The following ABCC11 variants were observed in gnomAD, a reference collection of about 807,000 sequenced individuals.
ABCC11 encodes the protein ATP-binding cassette sub-family C member 11.
In ABCC11, 135 loss-of-function variants were observed where a neutral mutation model predicts 149.3. That is an observed-to-expected ratio of 0.90 (90% CI 0.79 to 1.04). The LOEUF is 1.04. Ranked by LOEUF, ABCC11 falls within the 50% of genes least tolerant of loss-of-function variation. The pLI is 0.00. For synonymous variants in ABCC11, 665 were observed against 671.4 expected (o/e 0.99, Z 0.15); for missense variants, 1,680 against 1,722.1 (o/e 0.98, Z 0.43).
chr16:48,226,044 T>C (rs1025889137), intron 4 of ABCC11, among the ~76,000 whole-genome samples: 11 of 147,872 alleles, frequency 7.4e-5, no homozygotes, highest in African/African-American at 2.3e-4. Context: ...GCTGGTTACC[T>C]ATTAAGCATC....
chr16:48,245,173 C>T (rs189485926), intron 1 of ABCC11, among the ~76,000 whole-genome samples: 65 of 152,232 alleles, frequency 4.3e-4, no homozygotes, highest in Admixed American at 1.2e-3. Context: ...CACCCTTCTC[C>T]TTCTCCCCCT....
In ABCC11 at chr16:48,215,440, T is replaced by C. The variant is rs2150875261; in HGVS notation, c.952-96A>G. The C allele has an allele frequency of 9.3e-6, 13 of 1,394,466 alleles. No individual in the cohort carries two copies. The South Asian group carries it at 1.7e-4, about 19-fold the overall frequency. The allele number at this position is 1,394,466 out of a possible 1,614,324, so 86.4% of individuals were successfully genotyped here. Reference sequence around the variant, plus strand: ...GCCTGGCATAAGTAGGGCAACTGGGTGTATTTCCAAAGAGAGGTTTTCCAA... The same window carrying C: ...GCCTGGCATAAGTAGGGCAACTGGGCGTATTTCCAAAGAGAGGTTTTCCAA... On this transcript the variant is annotated intron_variant, in intron 7 of 29. Coordinates refer to ENST00000356608, the MANE Select transcript of ABCC11 (RefSeq NM_001370497.1).
chr16:48,183,521 G>A (rs1966571750), intron 23 of ABCC11, among the ~76,000 whole-genome samples: 1 of 152,242 alleles, frequency 6.6e-6, no homozygotes. Context: ...CAGCACTTTG[G>A]GAGACCGAGG....
chr16:48,203,729 G>A lies in ABCC11; in HGVS notation c.1806-429C>T, dbSNP rs576481444. Among the ~76,000 whole-genome samples, 19 of 152,204 alleles carry A rather than the reference G, an allele frequency of 1.2e-4. 1 individual carries two copies. Among genetic ancestry groups the A allele is most frequent in the Admixed American group, 5.2e-4 (8 of 15,282 alleles). ...CTAAAAATACAAAAATTAACTGGGC[G>A]TGCTGGTGCGTGCCTGTAGTCCCAG... On this transcript the variant is annotated intron_variant, in intron 13 of 29. Transcript: ENST00000356608.
intron 6 of ABCC11, among the ~76,000 whole-genome samples, chr16:48,217,311 C>T (rs1969413386): frequency 6.6e-6 from 1 of 152,036 alleles, no homozygotes; most frequent in Admixed American, 6.6e-5. Context: ...ACATATACTG[C>T]CTGGCTCAAC....
chr16:48,207,992 C>T (rs911083075), intron 12 of ABCC11, among the ~76,000 whole-genome samples: 3 of 152,138 alleles, frequency 2.0e-5, no homozygotes, highest in Admixed American at 6.6e-5. Flanking sequence ...GCACATACAT[C>T]CCACTCCTCA....
At position 48,167,016 on chromosome 16, in the gene ABCC11, C is replaced by T. The variant is rs755613431; in HGVS notation, c.*258G>A. On this transcript the variant is annotated 3_prime_UTR_variant, in exon 30 of 30. Coordinates refer to ENST00000356608, the MANE Select transcript of ABCC11 (RefSeq NM_001370497.1). ...TTTACCTTATTATAAAATTATTCAGCATGTAAGTTAAAAGGAGAACCACAT... is the reference window on the plus strand; with the variant it reads ...TTTACCTTATTATAAAATTATTCAGTATGTAAGTTAAAAGGAGAACCACAT... The T allele has an allele frequency of 6.3e-6, 3 of 476,918 alleles. No homozygotes were observed. Among genetic ancestry groups the T allele is most frequent in the Non-Finnish European group, 1.1e-5 (3 of 266,106 alleles). 29.5% of individuals were successfully genotyped at this position (476,918 alleles called of 1,614,324 possible).
chr16:48,185,985 C>G (rs1013632841), intron 22 of ABCC11, among the ~76,000 whole-genome samples: 1 of 152,192 alleles, frequency 6.6e-6, no homozygotes. Context: ...TTCTCTGACA[C>G]CTTCCCCAAC....
chr16:48,205,078 A>G (rs1201301627), intron 13 of ABCC11, among the ~76,000 whole-genome samples: 1 of 152,210 alleles, frequency 6.6e-6, no homozygotes, highest in African/African-American at 2.4e-5. Flanking sequence ...CAAATGTAGC[A>G]ATATTGGAGG....
At chr16:48,194,934 G>C (rs971188918) in intron 18 of ABCC11, among the ~76,000 whole-genome samples, 1 of 152,174 alleles carries the variant, frequency 6.6e-6, no homozygotes, top group Admixed American at 6.5e-5. Flanking sequence ...ATCTGAGAGG[G>C]GAACTCCCTT....
At chr16:48,202,057 C>T (rs1018412667) in intron 14 of ABCC11, among the ~76,000 whole-genome samples, 59 of 152,164 alleles carry the variant, frequency 3.9e-4, no homozygotes, top group Non-Finnish European at 2.9e-4. Context: ...CCCAGTTTCC[C>T]CATTCATTCA....
chr16:48,198,465 T>C lies in ABCC11; in HGVS notation c.2083-190A>G, dbSNP rs913978686. ...TGAGGCAAAAGGAACTCTCCTTAACTATCAAGAGGATTGTAGATTGGTACA... is the reference window on the plus strand; with the variant it reads ...TGAGGCAAAAGGAACTCTCCTTAACCATCAAGAGGATTGTAGATTGGTACA... On this transcript the variant is annotated intron_variant, in intron 15 of 29. Coordinates refer to ENST00000356608, the MANE Select transcript of ABCC11 (RefSeq NM_001370497.1). Among the ~76,000 whole-genome samples the C allele has an allele frequency of 9.2e-5, 14 of 152,306 alleles. No individual in the cohort carries two copies. In the East Asian group the frequency reaches 1.9e-3, roughly 21 times the overall value.
chr16:48,174,744 G>A (rs945196588), intron 26 of ABCC11, among the ~76,000 whole-genome samples: 1 of 152,210 alleles, frequency 6.6e-6, no homozygotes. Flanking sequence ...GGTAGCCTGA[G>A]TGCAAATGCT....
chr16:48,245,241 C>T lies in ABCC11; in HGVS notation c.-19+2073G>A, dbSNP rs186780740. Among the ~76,000 whole-genome samples the T allele has an allele frequency of 4.2e-3, 640 of 152,256 alleles. 4 individuals carry two copies. Among genetic ancestry groups the T allele is most frequent in the African/African-American group, 0.015 (605 of 41,546 alleles). Reference sequence around the variant, plus strand: ...ACTGCTCACATTTTCGCTGGTCCCCCTTTCTGGAACTTTCCTAGCTTCTCA... The same window carrying T: ...ACTGCTCACATTTTCGCTGGTCCCCTTTTCTGGAACTTTCCTAGCTTCTCA... On this transcript the variant is annotated intron_variant, in intron 1 of 29. Coordinates refer to ENST00000356608, the MANE Select transcript of ABCC11 (RefSeq NM_001370497.1).
At chr16:48,182,738 G>T (rs1053854838) in intron 23 of ABCC11, among the ~76,000 whole-genome samples, 1 of 148,636 alleles carries the variant, frequency 6.7e-6, no homozygotes, top group Non-Finnish European at 1.5e-5. Flanking sequence ...AGCCGAGATC[G>T]CATCACTGCA....
intron 2 of ABCC11, 23 bp from the exon 3 acceptor site, chr16:48,230,596 G>A: frequency 6.5e-7 from 1 of 1,538,980 alleles, no homozygotes; most frequent in Non-Finnish European, 8.8e-7. Flanking sequence ...AAACAAAAGA[G>A]CATCAGTTTC....
chr16:48,200,332 A>C lies in ABCC11; in HGVS notation c.2026T>G (p.Cys676Gly), dbSNP rs1354563862. The change falls in exon 15 of 30, where the codon TGC becomes GGC. Residue 676 changes from cysteine to glycine, a missense_variant. Transcript: ENST00000356608. The stretch of plus-strand genomic sequence containing the variant: ...TTCCCCCTGAGTGTCTTCTTAATGC[A>C]CTCCTCAAAAATGTGCTTCCCCACG... ...AHVGKHIFEECIKKTLRGKTV... is the reference protein window; with the variant it reads ...AHVGKHIFEEGIKKTLRGKTV... The C allele has an allele frequency of 1.2e-6, 2 of 1,613,926 alleles. No individual in the cohort carries two copies. Among genetic ancestry groups the C allele is most frequent in the Non-Finnish European group, 8.5e-7 (1 of 1,179,996 alleles).
Position 48,230,571 on chromosome 16 carries a change from T to A in ABCC11, c.102A>T (p.Lys34Asn). The change falls in exon 3 of 30, where the codon AAA (lysine) becomes AAT (asparagine). Residue 34 changes from lysine to asparagine, a missense_variant and splice_region_variant. Physicochemically the swap from Lys to Asn is moderately conservative, Grantham distance 94. Transcript: ENST00000356608. ...GDDMVSGLIY[K>N]TYTLQDGPWS... Reference sequence around the variant, plus strand: ...AGGGGCCATCTTGGAGAGTATAGGTTTTCTTGGAAAAGAAAAACAAAAGAG... The same window carrying A: ...AGGGGCCATCTTGGAGAGTATAGGTATTCTTGGAAAAGAAAAACAAAAGAG... The A allele has an allele frequency of 6.4e-7, 1 of 1,566,536 alleles. No homozygotes were observed.
At chr16:48,184,343 G>T (rs1160652633) in intron 23 of ABCC11, 97 bp downstream of exon 23, 2 of 1,422,194 alleles carry the variant, frequency 1.4e-6, no homozygotes, top group Non-Finnish European at 1.9e-6. Context: ...AGCCTAAGGT[G>T]TCATTGAACA....
Sources: gnomAD v4.1 joint callset for allele counts (sites outside exome capture counted in the v4.1 genomes callset) on GRCh38, gnomAD v4.1.1 for gene constraint, MANE v1.5 for transcripts, NCBI Gene and HGNC (gene_info 2026-07-23, HGNC 2026-07-21) for gene names.